The following FANK1 variants were observed in gnomAD, a reference collection of about 807,000 sequenced individuals.
FANK1 encodes the protein fibronectin type III and ankyrin repeat domains 1, also known as fibronectin type 3 and ankyrin repeat domains protein 1.
FANK1 carries 44 observed loss-of-function variants against 45.3 expected under a neutral mutation model. The observed-to-expected ratio is 0.97, with a 90% CI of 0.76 to 1.25. The LOEUF (loss-of-function observed/expected upper bound fraction) is 1.25, where lower values mean the gene tolerates loss of function less well. Ranked by LOEUF, FANK1 falls within the 50% of genes most tolerant of loss-of-function variation. The pLI is 0.00. For missense variants in FANK1, 391 were observed against 424.4 expected (o/e 0.92, Z 0.69); for synonymous variants, 149 against 152.5 (o/e 0.98, Z 0.17).
At chr10:125,985,411 G>A (rs923921795) in intron 2 of FANK1, among the ~76,000 whole-genome samples, 6 of 152,080 alleles carry the variant, frequency 3.9e-5, no homozygotes, top group African/African-American at 9.7e-5. Context: ...CTTTGTGCCA[G>A]GCTGATACAT....
chr10:125,905,091 A>G (rs1945377899), intron 1 of FANK1, among the ~76,000 whole-genome samples: 1 of 142,838 alleles, frequency 7.0e-6, no homozygotes, highest in African/African-American at 2.6e-5. Flanking sequence ...AAACTGCGCC[A>G]CTGCACTCCA....
intron 1 of FANK1, among the ~76,000 whole-genome samples, chr10:125,961,035 A>T (rs1949892578): frequency 1.3e-5 from 2 of 152,248 alleles, no homozygotes; most frequent in African/African-American, 4.8e-5. Flanking sequence ...TCATAAAAAC[A>T]GACACATAGA....
chr10:125,950,774 C>G (rs1268371351), intron 1 of FANK1, among the ~76,000 whole-genome samples: 2 of 149,884 alleles, frequency 1.3e-5, no homozygotes, highest in East Asian at 2.0e-4. Context: ...AATCATGCTG[C>G]TATAAAGACA....
intron 4 of FANK1, among the ~76,000 whole-genome samples, chr10:125,996,214 A>G (rs548063046): frequency 6.6e-6 from 1 of 152,338 alleles, no homozygotes; most frequent in East Asian, 1.9e-4. Flanking sequence ...GAGAGTCAGC[A>G]GTGAAGACAC....
intron 2 of FANK1, among the ~76,000 whole-genome samples, chr10:125,981,193 A>C (rs965391550): frequency 2.0e-5 from 3 of 152,184 alleles, no homozygotes; most frequent in Non-Finnish European, 2.9e-5. Context: ...GGCATGAACC[A>C]ATACCACCAG....
At chr10:125,897,564 C>A (rs552239593) in intron 1 of FANK1, among the ~76,000 whole-genome samples, 1 of 152,290 alleles carries the variant, frequency 6.6e-6, no homozygotes, top group Non-Finnish European at 1.5e-5. Flanking sequence ...CAAATCTATT[C>A]TCTGGGGAAA....
chr10:125,897,791 G>C (rs1217208062), intron 1 of FANK1, among the ~76,000 whole-genome samples: 2 of 152,144 alleles, frequency 1.3e-5, no homozygotes, highest in African/African-American at 4.8e-5. Context: ...TAAAATTTTT[G>C]TTTTATGTCA....
At chr10:125,922,090 G>GT (rs1362829520) in intron 1 of FANK1, among the ~76,000 whole-genome samples, 1 of 152,030 alleles carries the variant, frequency 6.6e-6, no homozygotes. Flanking sequence ...AAATTGCCCT[G>GT]TAAGCACATA....
chr10:125,987,403 A>G (rs1304540239), intron 2 of FANK1, among the ~76,000 whole-genome samples: 1 of 151,324 alleles, frequency 6.6e-6, no homozygotes, highest in Non-Finnish European at 1.5e-5. Context: ...AACTAGAGAC[A>G]GGAAAAAACA....
intron 1 of FANK1, among the ~76,000 whole-genome samples, chr10:125,940,833 CTT>C (rs1037402546): frequency 6.6e-6 from 1 of 152,188 alleles, no homozygotes; most frequent in Non-Finnish European, 1.5e-5. Context: ...ATGGCGATGA[CTT>C]TTACCAAGCA....
chr10:125,981,495 T>TAAAAAAAA (rs1951210840), intron 2 of FANK1, among the ~76,000 whole-genome samples: 1 of 57,480 alleles, frequency 1.7e-5, no homozygotes, highest in African/African-American at 9.2e-5. Context: ...AGACCCTGTC[T>TAAAAAAAA]CAAAAAAAAA....
intron 1 of FANK1, among the ~76,000 whole-genome samples, chr10:125,969,714 G>C (rs11244735): frequency 6.6e-6 from 1 of 152,144 alleles, no homozygotes; most frequent in African/African-American, 2.4e-5. Context: ...GTGGAGAGAA[G>C]GTCAGCAGAT....
At chr10:126,003,108 A>ATTT (rs5788756) in intron 6 of FANK1, among the ~76,000 whole-genome samples, 3 of 144,888 alleles carry the variant, frequency 2.1e-5, no homozygotes, top group Admixed American at 6.8e-5. Context: ...CTCTCTTTAA[A>ATTT]TTTTTTTTTT....
chr10:126,002,304 T>C (rs920445853), intron 6 of FANK1, among the ~76,000 whole-genome samples: 4 of 138,118 alleles, frequency 2.9e-5, no homozygotes, highest in Non-Finnish European at 6.6e-5. Context: ...AGAGTGAGAC[T>C]CTGTCTCAAA....
Position 125,943,528 on chromosome 10 carries a change from A to G in FANK1, c.14-36633A>G, listed in dbSNP as rs146846536. ...CCTCTTCTTCCAGCCCTTTGCAACC[A>G]CTAATCTACTTTGTCTGATTTGCCT... On this transcript the variant is annotated intron_variant, in intron 1 of 10. Transcript: ENST00000368693. Among the ~76,000 whole-genome samples, 10 of 152,282 alleles carry G rather than the reference A, an allele frequency of 6.6e-5. No homozygotes were observed. In the East Asian group the frequency reaches 1.9e-3, roughly 29 times the overall value.
At chr10:126,005,984 T>C (rs1953167442) in intron 7 of FANK1, among the ~76,000 whole-genome samples, 1 of 152,212 alleles carries the variant, frequency 6.6e-6, no homozygotes, top group Non-Finnish European at 1.5e-5. Flanking sequence ...TATTTGAAGA[T>C]GGGTAATTAG....
At chr10:125,957,826 T>G (rs1042601538) in intron 1 of FANK1, among the ~76,000 whole-genome samples, 2 of 152,154 alleles carry the variant, frequency 1.3e-5, no homozygotes, top group Non-Finnish European at 2.9e-5. Flanking sequence ...TGCCCGGCCT[T>G]GCCTTTATTT....
At chr10:125,951,210 G>T (rs1320396120) in intron 1 of FANK1, among the ~76,000 whole-genome samples, 1 of 149,154 alleles carries the variant, frequency 6.7e-6, no homozygotes, top group Non-Finnish European at 1.5e-5. Context: ...TGCACAATGT[G>T]CACATGTACC....
chr10:125,963,572 G>T (rs753164581), intron 1 of FANK1, among the ~76,000 whole-genome samples: 1 of 152,164 alleles, frequency 6.6e-6, no homozygotes, highest in Non-Finnish European at 1.5e-5. Flanking sequence ...CATAAGAAAG[G>T]ATGAGTTCAT....
Sources: gnomAD v4.1 joint callset for allele counts (sites outside exome capture counted in the v4.1 genomes callset) on GRCh38, gnomAD v4.1.1 for gene constraint, MANE v1.5 for transcripts, NCBI Gene and HGNC (gene_info 2026-07-23, HGNC 2026-07-21) for gene names.